The following FSHR variants were observed in gnomAD, a reference collection of about 807,000 sequenced individuals.
FSHR encodes the protein follicle stimulating hormone receptor.
A neutral mutation model predicts 52.1 loss-of-function variants in FSHR; 46 were observed. That is an observed-to-expected ratio of 0.88 (90% CI 0.70 to 1.13). The LOEUF (loss-of-function observed/expected upper bound fraction) is 1.13, where lower values mean the gene tolerates loss of function less well. Ranked by LOEUF, FSHR falls within the 50% of genes most tolerant of loss-of-function variation. FSHR has a pLI of 0.00. For missense variants in FSHR, 964 were observed against 834.6 expected (o/e 1.16, Z -1.91); for synonymous variants, 399 against 309.6 (o/e 1.29, Z -3.03).
intron 4 of FSHR, among the ~76,000 whole-genome samples, chr2:49,009,403 A>C (rs1667189296): frequency 6.6e-6 from 1 of 151,926 alleles, no homozygotes; most frequent in East Asian, 1.9e-4. Context: ...TTTTGGTACG[A>C]GTACCATGCC....
At chr2:49,014,304 A>G (rs1032624926) in intron 4 of FSHR, among the ~76,000 whole-genome samples, 11 of 152,148 alleles carry the variant, frequency 7.2e-5, no homozygotes, top group African/African-American at 2.7e-4. Context: ...CTCTCAGAAA[A>G]AGATGTGTCT....
intron 2 of FSHR, among the ~76,000 whole-genome samples, chr2:49,061,409 G>A (rs928239283): frequency 1.3e-5 from 2 of 151,308 alleles, no homozygotes; most frequent in East Asian, 1.9e-4. Flanking sequence ...TAGCTATCAT[G>A]ATTACATCAG....
intron 1 of FSHR, among the ~76,000 whole-genome samples, chr2:49,079,160 A>G (rs1051568930): frequency 7.2e-5 from 11 of 152,136 alleles, no homozygotes; most frequent in Admixed American, 6.5e-4. Flanking sequence ...CATATCAAGA[A>G]ATTAGTCTAA....
intron 1 of FSHR, among the ~76,000 whole-genome samples, chr2:49,141,252 G>T (rs12989746): frequency 0.27 from 40,791 of 151,898 alleles, 5,781 homozygotes; most frequent in East Asian, 0.47. Context: ...GTGTTAGGCT[G>T]TTCTTGCATT....
At chr2:49,146,801 G>A (rs934936212) in intron 1 of FSHR, among the ~76,000 whole-genome samples, 6 of 151,962 alleles carry the variant, frequency 3.9e-5, no homozygotes, top group African/African-American at 9.7e-5. Context: ...TCAATTTGTG[G>A]ATCTTTCTGT....
At chr2:49,000,880 A>C (rs1666853755) in intron 4 of FSHR, among the ~76,000 whole-genome samples, 1 of 152,144 alleles carries the variant, frequency 6.6e-6, no homozygotes, top group African/African-American at 2.4e-5. Flanking sequence ...CTGCTAACTG[A>C]AAAGGAACTG....
At chr2:49,061,007 C>T (rs1232316906) in intron 2 of FSHR, among the ~76,000 whole-genome samples, 1 of 152,096 alleles carries the variant, frequency 6.6e-6, no homozygotes. Flanking sequence ...GCATCCATAC[C>T]TTTCTCCCCC....
chr2:49,125,241 C>G (rs980051224), intron 1 of FSHR, among the ~76,000 whole-genome samples: 1 of 151,994 alleles, frequency 6.6e-6, no homozygotes, highest in African/African-American at 2.4e-5. Flanking sequence ...TTTTGGCTTT[C>G]TTGGATTGCA....
chr2:49,076,255 T>G (rs1352605946), intron 1 of FSHR, among the ~76,000 whole-genome samples: 1 of 152,194 alleles, frequency 6.6e-6, no homozygotes, highest in Admixed American at 6.5e-5. Flanking sequence ...AGAGGTTTAA[T>G]GGACTTACAG....
chr2:49,139,596 G>T (rs115004015), intron 1 of FSHR, among the ~76,000 whole-genome samples: 1,610 of 130,992 alleles, frequency 0.012, 32 homozygotes, highest in African/African-American at 0.045. Flanking sequence ...TAACTTCCAA[G>T]AATTTTTTTT....
At chr2:49,061,883 C>A in intron 2 of FSHR, among the ~76,000 whole-genome samples, 1 of 144,806 alleles carries the variant, frequency 6.9e-6, no homozygotes, top group Non-Finnish European at 1.5e-5. Flanking sequence ...ATATTTATCT[C>A]CAAACCTGGA....
chr2:49,104,932 G>C (rs1237603352), intron 1 of FSHR, among the ~76,000 whole-genome samples: 1 of 152,108 alleles, frequency 6.6e-6, no homozygotes, highest in Non-Finnish European at 1.5e-5. Flanking sequence ...TTGAGGGCAT[G>C]TAGAGAATGA....
intron 6 of FSHR, among the ~76,000 whole-genome samples, chr2:48,984,701 A>G (rs904843327): frequency 9.9e-5 from 15 of 152,030 alleles, no homozygotes; most frequent in South Asian, 2.1e-4. Flanking sequence ...CATGAGCTGG[A>G]TTTGGCCTCT....
At chr2:49,057,704 A>G (rs759088219) in intron 2 of FSHR, among the ~76,000 whole-genome samples, 4 of 152,176 alleles carry the variant, frequency 2.6e-5, no homozygotes, top group Non-Finnish European at 5.9e-5. Context: ...CAGATACCAG[A>G]CAAGGACATA....
intron 2 of FSHR, among the ~76,000 whole-genome samples, chr2:49,043,646 G>A (rs1572671927): frequency 6.6e-6 from 1 of 152,108 alleles, no homozygotes. Context: ...AGAGAATCAC[G>A]GGTGGGGCAT....
chr2:49,057,976 G>A (rs1248522786), intron 2 of FSHR, among the ~76,000 whole-genome samples: 3 of 152,150 alleles, frequency 2.0e-5, no homozygotes, highest in Admixed American at 6.5e-5. Flanking sequence ...ATGCTTTCAT[G>A]ATAAAAACTC....
intron 2 of FSHR, among the ~76,000 whole-genome samples, chr2:49,036,091 G>T (rs1668262795): frequency 6.6e-6 from 1 of 152,056 alleles, no homozygotes; most frequent in Admixed American, 6.5e-5. Flanking sequence ...CAAAAAGAAA[G>T]GTAGATATAT....
In FSHR at chr2:48,971,754, T is replaced by A. The variant is rs59424186; in HGVS notation, c.669-2871A>T. Among the ~76,000 whole-genome samples the A allele has an allele frequency of 7.9e-3, 1,200 of 152,336 alleles. 15 individuals are homozygous for A. Among genetic ancestry groups the A allele is most frequent in the African/African-American group, 0.028 (1,158 of 41,566 alleles). On this transcript the variant is annotated intron_variant, in intron 8 of 9. Transcript: ENST00000406846. The stretch of plus-strand genomic sequence containing the variant: ...TTCTAGTTTTGTCAATTTTTGCCTT[T>A]TATATGTTTGATGACTTTTTAAGGC...
At position 48,963,726 on chromosome 2, in the gene FSHR, G is replaced by A. The variant is rs1490054652; in HGVS notation, c.1095C>T (p.Leu365=). Residue 365 remains leucine (L), a synonymous_variant, in exon 10 of 10, where the codon CTC becomes CTT. Transcript: ENST00000406846. ...TGCTGATAAACCATATCAGGACTCT[G>A]AGGATGTTGTACCCCATGATATCTT... ...PCEDIMGYNI[L]RVLIWFISIL... The A allele has an allele frequency of 3.1e-6, 5 of 1,614,064 alleles. No homozygotes were observed. In the African/African-American group the frequency reaches 5.3e-5, roughly 17 times the overall value.
Sources: allele counts gnomAD v4.1 joint callset (sites outside exome capture counted in the v4.1 genomes callset), GRCh38; gene constraint gnomAD v4.1.1; transcripts MANE v1.5; gene names NCBI Gene and HGNC (gene_info 2026-07-23, HGNC 2026-07-21).